Variants in LITAF observed in about 807,000 individuals in gnomAD.
LITAF encodes the protein lipopolysaccharide induced TNF factor, also known as lipopolysaccharide-induced tumor necrosis factor-alpha factor.
A neutral mutation model predicts 14.5 loss-of-function variants in LITAF; 9 were observed. That is an observed-to-expected ratio of 0.62 (90% CI 0.37 to 1.08). The LOEUF (loss-of-function observed/expected upper bound fraction) is 1.08, where lower values mean the gene tolerates loss of function less well. Ranked by LOEUF, LITAF falls within the 50% of genes least tolerant of loss-of-function variation. The probability of loss-of-function intolerance (pLI) is 0.01; values close to 1 mark genes in which losing one functional copy is unlikely to be tolerated. For synonymous variants in LITAF, 98 were observed against 88.2 expected, an observed-to-expected ratio of 1.11 and a Z score of -0.62; for missense variants, 206 against 213.4, an observed-to-expected ratio of 0.97 and a Z score of 0.22.
intron 1 of LITAF, among the ~76,000 whole-genome samples, chr16:11,567,146 G>A (rs560757323): frequency 5.8e-4 from 88 of 151,978 alleles, no homozygotes; most frequent in African/African-American, 2.0e-3. Flanking sequence ...CAGGCTGGGC[G>A]CAGTGGCTCA....
rs749835986 is a variant in LITAF at position 11,632,365 on chromosome 16, A to G, written c.85+1168T>C. On this transcript the variant is annotated intron_variant, in intron 3 of 3. Coordinates refer to the LITAF transcript ENST00000574848. This position sits in a 1 kb window ranked among gnomAD's most constrained non-coding sequence, Gnocchi z 4.8. ...CTCAACCCTGGAGAGAAGGTGAAGG[A>G]GGCACCGAGATGACAGAGACAGGGA... Among the ~76,000 whole-genome samples the G allele has an allele frequency of 5.3e-5, 8 of 152,074 alleles. No homozygotes were observed. Among genetic ancestry groups the G allele is most frequent in the East Asian group, 3.9e-4 (2 of 5,158 alleles).
chr16:11,624,742 A>G (rs2065073103), intron 3 of LITAF, among the ~76,000 whole-genome samples: 1 of 152,200 alleles, frequency 6.6e-6, no homozygotes, highest in South Asian at 2.1e-4. Context: ...AATGAAAAAC[A>G]TGGTCGCAGT....
chr16:11,623,354 C>A (rs2065062942), intron 3 of LITAF, among the ~76,000 whole-genome samples: 1 of 151,632 alleles, frequency 6.6e-6, no homozygotes, highest in Non-Finnish European at 1.5e-5. Context: ...TCCAGGAGCA[C>A]AAATGCCATC....
chr16:11,604,466 G>A (rs2064944149), intron 3 of LITAF, among the ~76,000 whole-genome samples: 1 of 152,024 alleles, frequency 6.6e-6, no homozygotes, highest in Non-Finnish European at 1.5e-5. Flanking sequence ...AAAGTCCATG[G>A]TGAGGACTTC....
At chr16:11,620,529 T>C (rs762381129) in intron 3 of LITAF, among the ~76,000 whole-genome samples, 20 of 152,206 alleles carry the variant, frequency 1.3e-4, no homozygotes, top group Admixed American at 1.2e-3. Flanking sequence ...ACCTCATTTC[T>C]TTATAAATTA....
At chr16:11,638,018 ATATATC>A (rs1207541957), upstream of LITAF, among the ~76,000 whole-genome samples, 151 of 65,288 alleles carry the variant, frequency 2.3e-3, 7 homozygotes, top group African/African-American at 0.012. Context: ...ATATATCTAT[ATATATC>A]TATATATCTA....
intron 1 of LITAF, among the ~76,000 whole-genome samples, chr16:11,557,830 G>A (rs1484871584): frequency 3.3e-5 from 5 of 152,142 alleles, no homozygotes; most frequent in Admixed American, 1.3e-4. Flanking sequence ...GAGCAGCCAG[G>A]CACACATTTT....
At chr16:11,561,887 C>T (rs960209467) in intron 1 of LITAF, among the ~76,000 whole-genome samples, 2 of 149,908 alleles carry the variant, frequency 1.3e-5, no homozygotes, top group Admixed American at 6.7e-5. Flanking sequence ...CACACACACT[C>T]TCCACAATGT....
chr16:11,623,376 C>T (rs1012263639), intron 3 of LITAF, among the ~76,000 whole-genome samples: 5 of 152,056 alleles, frequency 3.3e-5, no homozygotes, highest in African/African-American at 1.2e-4. Context: ...TCAAGAATCT[C>T]TCAGGCTGGG....
At chr16:11,617,576 A>G (rs1162154738) in intron 3 of LITAF, among the ~76,000 whole-genome samples, 2 of 150,744 alleles carry the variant, frequency 1.3e-5, no homozygotes, top group Non-Finnish European at 3.0e-5. Flanking sequence ...ACAGGCTCAC[A>G]CCACCACGCC....
intron 3 of LITAF, among the ~76,000 whole-genome samples, chr16:11,631,192 T>C (rs1362453995): frequency 6.6e-6 from 1 of 152,218 alleles, no homozygotes; most frequent in East Asian, 1.9e-4. Flanking sequence ...ATCGGTGTCC[T>C]GTGGCTGCAA....
upstream of LITAF, among the ~76,000 whole-genome samples, chr16:11,589,042 C>T (rs2064833243): frequency 1.3e-5 from 2 of 152,068 alleles, no homozygotes; most frequent in Non-Finnish European, 2.9e-5. Context: ...TGTTTTTATC[C>T]ATCCTAAACA....
intron 3 of LITAF, among the ~76,000 whole-genome samples, chr16:11,625,797 C>G (rs2065079917): frequency 6.6e-6 from 1 of 152,236 alleles, no homozygotes; most frequent in Admixed American, 6.5e-5. Flanking sequence ...AGAAAGAGCC[C>G]AGAACTTGGA....
At chr16:11,639,162 T>A (rs964508501), upstream of LITAF, among the ~76,000 whole-genome samples, 1 of 151,140 alleles carries the variant, frequency 6.6e-6, no homozygotes, top group African/African-American at 2.4e-5. Flanking sequence ...GAGGTAGGGA[T>A]GGATGGATGA....
At chr16:11,613,651 G>A (rs999936043) in intron 3 of LITAF, among the ~76,000 whole-genome samples, 8 of 152,220 alleles carry the variant, frequency 5.3e-5, no homozygotes, top group Admixed American at 3.9e-4. Flanking sequence ...TCTTGTTGAA[G>A]GCTAAGCCAG....
At chr16:11,637,986 ATATATATC>A (rs1184735005), upstream of LITAF, among the ~76,000 whole-genome samples, 57 of 53,854 alleles carry the variant, frequency 1.1e-3, 4 homozygotes, top group African/African-American at 6.5e-3. Context: ...ATATATATCT[ATATATATC>A]TATATATATC....
At chr16:11,582,654 G>A (rs975831072) in intron 1 of LITAF, among the ~76,000 whole-genome samples, 1 of 152,150 alleles carries the variant, frequency 6.6e-6, no homozygotes, top group African/African-American at 2.4e-5. Flanking sequence ...GATTCCTTAG[G>A]CAAAAGAAGG....
intron 1 of LITAF, among the ~76,000 whole-genome samples, chr16:11,582,603 G>A (rs2141833431): frequency 6.6e-6 from 1 of 152,264 alleles, no homozygotes; most frequent in South Asian, 2.1e-4. Flanking sequence ...CTAGGCCCAT[G>A]AATATGTATA....
intron 1 of LITAF, among the ~76,000 whole-genome samples, chr16:11,560,014 AGGCCAGACACAGT>A: frequency 1.3e-5 from 2 of 152,096 alleles, no homozygotes; most frequent in South Asian, 4.2e-4. Context: ...AATAAAAAAG[AGGCCAGACACAGT>A]GGCTCACGAC....
Sources: gnomAD v4.1 joint callset for allele counts (sites outside exome capture counted in the v4.1 genomes callset) on GRCh38, gnomAD v4.1.1 for gene constraint, Gnocchi (gnomAD v3.1) non-coding constraint, MANE v1.5 for transcripts, NCBI Gene and HGNC (gene_info 2026-07-23, HGNC 2026-07-21) for gene names.